Variants in PTPN1 observed in about 807,000 individuals in gnomAD.
The protein encoded by PTPN1 is tyrosine-protein phosphatase non-receptor type 1.
PTPN1 carries 12 observed loss-of-function variants against 59.9 expected under a neutral mutation model. The ratio of observed to expected loss-of-function variants is 0.20; its 90% CI spans 0.13 to 0.32. PTPN1 has a LOEUF of 0.32. Among genes scored for constraint, PTPN1 ranks in the 10% least tolerant of loss-of-function variants. The pLI is 1.00. For synonymous variants in PTPN1, 178 were observed against 203.6 expected, an observed-to-expected ratio of 0.87 and a Z score of 1.07; for missense variants, 356 against 549.2, an observed-to-expected ratio of 0.65 and a Z score of 3.52.
intron 4 of PTPN1, chr20:50,571,674 A>G (rs76333316): frequency 0.026 from 3,963 of 152,318 alleles, 77 homozygotes; most frequent in Non-Finnish European, 0.039. Flanking sequence ...CCTGGAAACC[A>G]GTTATGCAGA....
In PTPN1 at chr20:50,581,398, C is replaced by T; in HGVS notation, c.1222C>T (p.Pro408Ser). ...DEDHALSYWK[P>S]FLVNMCVATV... The stretch of plus-strand genomic sequence containing the variant: ...GGACCATGCACTGAGTTACTGGAAG[C>T]CCTTCCTGGTCAACATGTGCGTGGC... The change falls in exon 9 of 10, where the codon CCC (proline) becomes TCC (serine). Residue 408 changes from proline to serine, a missense_variant. Pro to Ser is a moderately conservative substitution (Grantham distance 74). Coordinates refer to ENST00000371621, the MANE Select transcript of PTPN1 (RefSeq NM_002827.4). 1 of 1,614,044 alleles carries T rather than the reference C, an allele frequency of 6.2e-7. No individual in the cohort carries two copies. The highest frequency in any genetic ancestry group is 2.2e-5 in the East Asian group (1 of 44,888).
chr20:50,548,230 A>G (rs2082684487), intron 1 of PTPN1, among the ~76,000 whole-genome samples: 1 of 152,074 alleles, frequency 6.6e-6, no homozygotes, highest in African/African-American at 2.4e-5. Flanking sequence ...GACTGGGCTT[A>G]GTCTAGCGTT....
intron 1 of PTPN1, among the ~76,000 whole-genome samples, chr20:50,514,550 G>C (rs2082520920): frequency 6.6e-6 from 1 of 152,020 alleles, no homozygotes; most frequent in African/African-American, 2.4e-5. Flanking sequence ...CTTTTAAATA[G>C]AAATGGGGTT....
Position 50,568,473 on chromosome 20 carries a change from G to A in PTPN1, c.349G>A (p.Gly117Ser). 6.2e-7 allele frequency: 1 copy of A among 1,613,692 alleles called. No individual in the cohort carries two copies. The highest frequency in any genetic ancestry group is 8.5e-7 in the Non-Finnish European group (1 of 1,179,600). ...CATGCTCAACAGAGTGATGGAGAAA[G>A]GTTCGGTAAGTCTCGGCTTCATTTG... Reference protein sequence around the residue: ...VVMLNRVMEKGSLKCAQYWPQ... With the variant: ...VVMLNRVMEKSSLKCAQYWPQ... The change falls in exon 4 of 10, where the codon GGT (glycine) becomes AGT (serine). Residue 117 changes from glycine (G) to serine (S), a missense_variant. Gly to Ser is a moderately conservative substitution (Grantham distance 56). Around this residue, in one of 3 missense-constraint regions of PTPN1, gnomAD observed 194 missense variants for 344.2 expected, o/e 0.56. Coordinates refer to ENST00000371621, the MANE Select transcript of PTPN1 (RefSeq NM_002827.4). This position sits in a 1 kb window ranked among gnomAD's most constrained non-coding sequence, Gnocchi z 5.6.
intron 1 of PTPN1, among the ~76,000 whole-genome samples, chr20:50,542,824 T>A (rs977740897): frequency 6.6e-6 from 1 of 152,218 alleles, no homozygotes; most frequent in Non-Finnish European, 1.5e-5. Context: ...ATTTATTTTT[T>A]ATGTATTCCG....
Position 50,568,125 on chromosome 20 carries a change from C to T in PTPN1, c.256-255C>T, listed in dbSNP as rs936481958. ...GCCTGCCTGAGCCAGAAAGCAGAAT[C>T]GGCATTTTTCTGTCCTTGGTTGGCC... is the stretch of plus-strand genomic sequence containing the variant. On this transcript the variant is annotated intron_variant, in intron 3 of 9. Coordinates refer to ENST00000371621, the MANE Select transcript of PTPN1 (RefSeq NM_002827.4). This position sits in a 1 kb window ranked among gnomAD's most constrained non-coding sequence, Gnocchi z 5.6. Among the ~76,000 whole-genome samples, 16 of 152,204 alleles carry T rather than the reference C, an allele frequency of 1.1e-4. 1 individual carries two copies. Among genetic ancestry groups the T allele is most frequent in the South Asian group, 2.1e-4 (1 of 4,830 alleles).
intron 2 of PTPN1, 123 bp from the exon 3 acceptor site, chr20:50,564,846 C>T (rs1376297973): frequency 6.9e-7 from 1 of 1,454,140 alleles, no homozygotes; most frequent in Non-Finnish European, 9.2e-7. Context: ...TAAAACAGGG[C>T]TTCAGCCAGT....
intron 1 of PTPN1, among the ~76,000 whole-genome samples, chr20:50,547,889 A>T (rs572852659): frequency 5.7e-4 from 87 of 152,338 alleles, no homozygotes; most frequent in Admixed American, 5.5e-3. Flanking sequence ...ACCATCAATG[A>T]CAATGGTCCC....
intron 1 of PTPN1, among the ~76,000 whole-genome samples, chr20:50,533,443 T>TGCCCCCC (rs1298561830): frequency 2.3e-5 from 3 of 132,030 alleles, no homozygotes; most frequent in African/African-American, 2.8e-5. Flanking sequence ...CACTGCCCCC[T>TGCCCCCC]GCCCCCCGCC....
chr20:50,523,407 G>C (rs766140791), intron 1 of PTPN1, among the ~76,000 whole-genome samples: 5 of 152,180 alleles, frequency 3.3e-5, no homozygotes, highest in African/African-American at 1.2e-4. Flanking sequence ...TTAGCACTCC[G>C]GGATCATATG....
intron 1 of PTPN1, among the ~76,000 whole-genome samples, chr20:50,558,904 C>G (rs2082737806): frequency 6.6e-6 from 1 of 152,138 alleles, no homozygotes; most frequent in South Asian, 2.1e-4. Context: ...TCCCATCCCC[C>G]ATGTATCCTA....
At chr20:50,534,017 G>A (rs912226620) in intron 1 of PTPN1, among the ~76,000 whole-genome samples, 5 of 152,030 alleles carry the variant, frequency 3.3e-5, no homozygotes, top group East Asian at 1.9e-4. Flanking sequence ...TGCAACCTCC[G>A]CCTCCCGAGT....
chr20:50,574,182 A>C (rs1568795568), intron 4 of PTPN1: 8 of 241,524 alleles, frequency 3.3e-5, no homozygotes, highest in Non-Finnish European at 5.5e-5. Flanking sequence ...AAATGGCTAC[A>C]CAGAGGAGTT....
intron 1 of PTPN1, among the ~76,000 whole-genome samples, chr20:50,552,878 G>A (rs2082709240): frequency 6.6e-6 from 1 of 151,774 alleles, no homozygotes; most frequent in Admixed American, 6.6e-5. Flanking sequence ...ACATTCCCAT[G>A]GCTCACTCCC....
At chr20:50,566,727 C>T (rs1290743192) in intron 3 of PTPN1, among the ~76,000 whole-genome samples, 1 of 152,182 alleles carries the variant, frequency 6.6e-6, no homozygotes, top group African/African-American at 2.4e-5. Flanking sequence ...TCACCTCCCC[C>T]GTGCAGTGTC....
chr20:50,552,874 C>T (rs2082709179), intron 1 of PTPN1, among the ~76,000 whole-genome samples: 1 of 151,978 alleles, frequency 6.6e-6, no homozygotes, highest in South Asian at 2.1e-4. Flanking sequence ...CCAAACATTC[C>T]CATGGCTCAC....
intron 1 of PTPN1, among the ~76,000 whole-genome samples, chr20:50,556,368 A>G (rs1477583060): frequency 6.6e-6 from 1 of 151,932 alleles, no homozygotes; most frequent in Non-Finnish European, 1.5e-5. Context: ...TTTTAAATGT[A>G]TTGTAGAGAC....
chr20:50,546,797 G>A (rs1568784193), intron 1 of PTPN1, among the ~76,000 whole-genome samples: 1 of 152,224 alleles, frequency 6.6e-6, no homozygotes, highest in Non-Finnish European at 1.5e-5. Context: ...GAGGGCAGCA[G>A]CTGGTGATTG....
At chr20:50,544,483 G>C (rs2082666355) in intron 1 of PTPN1, among the ~76,000 whole-genome samples, 1 of 152,170 alleles carries the variant, frequency 6.6e-6, no homozygotes, top group African/African-American at 2.4e-5. Context: ...AAACAGATAA[G>C]TTGGAAAAGT....
Sources: allele counts gnomAD v4.1 joint callset (sites outside exome capture counted in the v4.1 genomes callset), GRCh38; gene constraint gnomAD v4.1.1; regional missense constraint gnomAD v4.1.1; non-coding constraint Gnocchi (gnomAD v3.1); transcripts MANE v1.5; gene names NCBI Gene and HGNC (gene_info 2026-07-23, HGNC 2026-07-21).